SETBP1: variants seen among roughly 807,000 people sequenced by gnomAD.
SETBP1 encodes the protein SET-binding protein.
SETBP1 carries 9 observed loss-of-function variants against 101.0 expected under a neutral mutation model. The observed-to-expected ratio is 0.09, with a 90% CI of 0.05 to 0.16. The LOEUF (loss-of-function observed/expected upper bound fraction) is 0.16. SETBP1 is among the 10% of genes least tolerant of loss of function. SETBP1 has a pLI of 1.00. For synonymous variants in SETBP1, 818 were observed against 788.5 expected (o/e 1.04, Z -0.63); for missense variants, 1,858 against 2,033.8 (o/e 0.91, Z 1.66).
chr18:44,837,187 C>T (rs1178741850), intron 2 of SETBP1, among the ~76,000 whole-genome samples: 1 of 152,184 alleles, frequency 6.6e-6, no homozygotes, highest in African/African-American at 2.4e-5. Context: ...TTGCTATGCA[C>T]TCCTTTTTTC....
chr18:44,775,369 G>A (rs2070976455), intron 2 of SETBP1, among the ~76,000 whole-genome samples: 1 of 152,176 alleles, frequency 6.6e-6, no homozygotes, highest in African/African-American at 2.4e-5. Context: ...AGATGCTACA[G>A]TAACATAGCC....
chr18:44,982,630 A>G (rs1031353839), intron 4 of SETBP1, among the ~76,000 whole-genome samples: 2 of 152,228 alleles, frequency 1.3e-5, no homozygotes, highest in Admixed American at 6.5e-5. Flanking sequence ...AAATATAGAG[A>G]CTGAAAGCTC....
At chr18:44,702,032 C>A (rs75690771) in intron 2 of SETBP1, among the ~76,000 whole-genome samples, 200 bp downstream of exon 2, 15 of 152,058 alleles carry the variant, frequency 9.9e-5, no homozygotes, top group Admixed American at 3.3e-4. Context: ...TACTGTTGAC[C>A]GGAAGCCTTA....
intron 2 of SETBP1, among the ~76,000 whole-genome samples, chr18:44,711,078 AG>A (rs2069328232): frequency 6.6e-6 from 1 of 152,156 alleles, no homozygotes; most frequent in South Asian, 2.1e-4. Context: ...TGGATCAGTG[AG>A]CCCCCGCTGC....
intron 2 of SETBP1, among the ~76,000 whole-genome samples, chr18:44,722,477 G>A (rs2069621426): frequency 6.6e-6 from 1 of 152,146 alleles, no homozygotes; most frequent in South Asian, 2.1e-4. Context: ...AGTAGTATTT[G>A]CTACCAATGG....
chr18:44,981,338 C>G (rs2145235978), intron 4 of SETBP1, among the ~76,000 whole-genome samples: 1 of 152,300 alleles, frequency 6.6e-6, no homozygotes, highest in Non-Finnish European at 1.5e-5. Flanking sequence ...CAGGAGGTGA[C>G]TCTAACTCCC....
At chr18:44,984,869 A>G (rs1473430720) in intron 4 of SETBP1, among the ~76,000 whole-genome samples, 1 of 152,212 alleles carries the variant, frequency 6.6e-6, no homozygotes, top group Non-Finnish European at 1.5e-5. Flanking sequence ...GGCCGGACGC[A>G]GTGGTTCACA....
At chr18:44,916,883 T>C (rs2070441530) in intron 3 of SETBP1, among the ~76,000 whole-genome samples, 1 of 152,118 alleles carries the variant, frequency 6.6e-6, no homozygotes, top group African/African-American at 2.4e-5. Flanking sequence ...ATAACATAAA[T>C]GAAAATGGTA....
intron 2 of SETBP1, among the ~76,000 whole-genome samples, chr18:44,759,337 G>A (rs1191849431): frequency 6.6e-6 from 1 of 152,132 alleles, no homozygotes; most frequent in Admixed American, 6.5e-5. Flanking sequence ...TGGCGTCTGC[G>A]AAGCTTTCCT....
At chr18:44,961,073 C>T (rs1022471754) in intron 4 of SETBP1, among the ~76,000 whole-genome samples, 17 of 152,128 alleles carry the variant, frequency 1.1e-4, no homozygotes, top group Admixed American at 9.8e-4. Flanking sequence ...GCAGCAGTTG[C>T]CAGTGCTGTG....
intron 3 of SETBP1, 110 bp from the exon 4 acceptor site, chr18:44,949,771 C>A: frequency 1.1e-6 from 1 of 910,804 alleles, no homozygotes; most frequent in Non-Finnish European, 1.7e-6. Context: ...TATTCATTTC[C>A]AACTTTCAGA....
chr18:44,793,221 T>A (rs187715832), intron 2 of SETBP1, among the ~76,000 whole-genome samples: 8 of 152,370 alleles, frequency 5.3e-5, no homozygotes, highest in Admixed American at 2.6e-4. Flanking sequence ...TCAGTTTTTT[T>A]ATCTATAAAA....
chr18:44,904,846 C>T (rs2070136052), intron 3 of SETBP1, among the ~76,000 whole-genome samples: 2 of 152,176 alleles, frequency 1.3e-5, no homozygotes, highest in South Asian at 4.1e-4. Context: ...TGATAGAGCA[C>T]TTTCATTCCT....
At chr18:44,796,219 A>G (rs546597816) in intron 2 of SETBP1, among the ~76,000 whole-genome samples, 5 of 152,326 alleles carry the variant, frequency 3.3e-5, no homozygotes, top group African/African-American at 1.2e-4. Flanking sequence ...TGCAAAATGA[A>G]CATCAATATT....
intron 2 of SETBP1, among the ~76,000 whole-genome samples, chr18:44,742,519 C>T (rs890078624): frequency 5.3e-5 from 8 of 152,186 alleles, no homozygotes; most frequent in African/African-American, 1.9e-4. Context: ...CATGATTTGA[C>T]CATCCAGAAG....
intron 3 of SETBP1, among the ~76,000 whole-genome samples, chr18:44,882,239 G>C (rs975215067): frequency 1.3e-5 from 2 of 152,296 alleles, no homozygotes; most frequent in Middle Eastern, 3.4e-3. Context: ...CCATAGAAAT[G>C]AATGGGTGTG....
At chr18:45,005,945 CTTTTTTTT>C (rs1032603185) in intron 4 of SETBP1, among the ~76,000 whole-genome samples, 1 of 103,156 alleles carries the variant, frequency 9.7e-6, no homozygotes, top group Admixed American at 1.1e-4. Flanking sequence ...TGCACCCGGC[CTTTTTTTT>C]TTTTTTTTTT....
intron 5 of SETBP1, among the ~76,000 whole-genome samples, chr18:45,054,273 C>T (rs1399465549): frequency 6.6e-6 from 1 of 152,032 alleles, no homozygotes; most frequent in Non-Finnish European, 1.5e-5. Flanking sequence ...CTGCACCCTC[C>T]GCCTCCAGGG....
At chr18:44,785,792 CTAGCTTCTCTCTTATATG>C in intron 2 of SETBP1, among the ~76,000 whole-genome samples, 1 of 152,306 alleles carries the variant, frequency 6.6e-6, no homozygotes, top group South Asian at 2.1e-4. Context: ...TGTAAAAACA[CTAGCTTCTCTCTTATATG>C]TTGCCACTTT....
Sources: allele counts gnomAD v4.1 joint callset (sites outside exome capture counted in the v4.1 genomes callset), GRCh38; gene constraint gnomAD v4.1.1; transcripts MANE v1.5; gene names NCBI Gene and HGNC (gene_info 2026-07-23, HGNC 2026-07-21).